Variants in IRAK4 observed in about 807,000 individuals in gnomAD.
The protein encoded by IRAK4 is interleukin-1 receptor-associated kinase 4.
A neutral mutation model predicts 51.8 loss-of-function variants in IRAK4; 44 were observed. That is an observed-to-expected ratio of 0.85 (90% CI 0.67 to 1.09). The LOEUF (loss-of-function observed/expected upper bound fraction) is 1.09. Ranked by LOEUF, IRAK4 falls within the 50% of genes least tolerant of loss-of-function variation. IRAK4 has a pLI of 0.00. For synonymous variants in IRAK4, 149 were observed against 174.1 expected (o/e 0.86, Z 1.13); for missense variants, 487 against 538.0 (o/e 0.91, Z 0.94).
chr12:43,765,796 T>C (rs1328748842), intron 1 of IRAK4, among the ~76,000 whole-genome samples: 1 of 150,124 alleles, frequency 6.7e-6, no homozygotes, highest in Non-Finnish European at 1.5e-5. Context: ...GTATGAAGGC[T>C]CCTAGATAGT....
At chr12:43,780,752 G>A (rs1941709250) in intron 8 of IRAK4, among the ~76,000 whole-genome samples, 1 of 152,030 alleles carries the variant, frequency 6.6e-6, no homozygotes, top group South Asian at 2.1e-4. Flanking sequence ...TGTATTTTTA[G>A]TAGAGATGGG....
Position 43,786,563 on chromosome 12 carries a change from C to T in IRAK4, c.1347+6C>T. On this transcript the variant is annotated splice_donor_region_variant and intron_variant, in intron 11 of 11. Transcript: ENST00000613694. ...AGAGACCAGACATTAAGAAGGTATG[C>T]ATTTTTTATACTTATTTAAAAAGTG... 1 of 1,612,722 alleles carries T rather than the reference C, an allele frequency of 6.2e-7. No homozygotes were observed. The highest frequency in any genetic ancestry group is 8.5e-7 in the Non-Finnish European group (1 of 1,179,072).
chr12:43,765,267 A>G (rs1940001960), intron 1 of IRAK4, among the ~76,000 whole-genome samples: 1 of 152,228 alleles, frequency 6.6e-6, no homozygotes, highest in Non-Finnish European at 1.5e-5. Context: ...GCTGTTAATT[A>G]TAGGTACTCT....
rs1439976738 is a variant in IRAK4 at position 43,778,212 on chromosome 12, C to T, written c.851C>T (p.Ser284Phe). Residue 284 changes from serine to phenylalanine, a missense_variant, in exon 8 of 12, where the codon TCT becomes TTT. Ser to Phe is a radical substitution (Grantham distance 155). Coordinates refer to ENST00000613694, the MANE Select transcript of IRAK4 (RefSeq NM_016123.4). ...TATAAGGATGGTACTCCACCACTTT[C>T]TTGGCACATGAGATGCAAGATTGCT... The part of the protein sequence containing the change: ...LSCLDGTPPL[S>F]WHMRCKIAQG... 3 of 1,606,696 alleles carry T rather than the reference C, an allele frequency of 1.9e-6. No homozygotes were observed. Among genetic ancestry groups the T allele is most frequent in the Non-Finnish European group, 2.6e-6 (3 of 1,173,358 alleles).
At chr12:43,759,101 T>C (rs1939126804) in intron 1 of IRAK4, 85 bp downstream of exon 1, 1 of 152,198 alleles carries the variant, frequency 6.6e-6, no homozygotes, top group Non-Finnish European at 1.5e-5. Context: ...CCAGGGTTGC[T>C]GGGGTCGGCT....
chr12:43,766,180 G>A (rs1200117643), intron 1 of IRAK4, among the ~76,000 whole-genome samples: 2 of 152,144 alleles, frequency 1.3e-5, no homozygotes, highest in African/African-American at 4.8e-5. Context: ...GGTACATGAT[G>A]ATCTGGCCCT....
intron 2 of IRAK4, among the ~76,000 whole-genome samples, chr12:43,769,985 C>A (rs1355439848): frequency 6.6e-6 from 1 of 152,140 alleles, no homozygotes; most frequent in Non-Finnish European, 1.5e-5. Context: ...AGAGAGAATG[C>A]ACAAGAGCCC....
intron 8 of IRAK4, among the ~76,000 whole-genome samples, chr12:43,778,682 A>G (rs1941512023): frequency 6.6e-6 from 1 of 152,052 alleles, no homozygotes; most frequent in Non-Finnish European, 1.5e-5. Context: ...TTAAATATTT[A>G]CCTACTATAA....
intron 1 of IRAK4, among the ~76,000 whole-genome samples, chr12:43,765,132 G>T (rs1050667561): frequency 6.6e-6 from 1 of 152,156 alleles, no homozygotes; most frequent in African/African-American, 2.4e-5. Context: ...AGCTCTGCTC[G>T]CATCTGCAGC....
At chr12:43,777,971 T>C (rs1941440546) in intron 7 of IRAK4, among the ~76,000 whole-genome samples, 1 of 152,238 alleles carries the variant, frequency 6.6e-6, no homozygotes, top group East Asian at 1.9e-4. Flanking sequence ...AAGACTATAC[T>C]AGGAAGATGC....
intron 1 of IRAK4, among the ~76,000 whole-genome samples, chr12:43,761,584 A>C (rs552817462): frequency 2.0e-5 from 3 of 152,334 alleles, no homozygotes; most frequent in South Asian, 2.1e-4. Flanking sequence ...AAAGAAAAGC[A>C]AGGTGCAGAG....
Position 43,777,630 on chromosome 12 carries a change from G to C in IRAK4, c.717G>C (p.Lys239Asn), listed in dbSNP as rs1475847048. ...QFDQEIKVMA[K>N]CQHENLVELL... ...TTGCATGAAAAATTATTTGTCACAG[G>C]TGTCAACATGAAAACTTAGTAGAAC... Residue 239 changes from lysine (K) to asparagine (N), a missense_variant and splice_region_variant, in exon 7 of 12, where the codon AAG becomes AAC. Lys to Asn is a moderately conservative substitution (Grantham distance 94, BLOSUM62 0). Transcript: ENST00000613694. 6.2e-7 allele frequency: 1 copy of C among 1,601,584 alleles called. No individual in the cohort carries two copies. Among genetic ancestry groups the C allele is most frequent in the African/African-American group, 1.3e-5 (1 of 74,708 alleles).
intron 5 of IRAK4, 185 bp from the exon 6 acceptor site, chr12:43,773,780 A>G (rs1452608156): frequency 8.9e-6 from 4 of 448,162 alleles, no homozygotes; most frequent in Non-Finnish European, 1.6e-5. Context: ...TTTTCATTCC[A>G]CTAACCAGCC....
intron 8 of IRAK4, among the ~76,000 whole-genome samples, chr12:43,779,419 C>T (rs1000254394): frequency 5.3e-5 from 8 of 151,970 alleles, no homozygotes; most frequent in Non-Finnish European, 1.2e-4. Context: ...AATGAGATGC[C>T]GTTGAAAATT....
intron 1 of IRAK4, among the ~76,000 whole-genome samples, chr12:43,767,203 T>C (rs2137890615): frequency 6.6e-6 from 1 of 152,276 alleles, no homozygotes; most frequent in East Asian, 1.9e-4. Context: ...CATTTCCTAT[T>C]GAGAATGAGG....
intron 6 of IRAK4, among the ~76,000 whole-genome samples, chr12:43,775,383 G>A (rs116338123): frequency 2.9e-3 from 434 of 152,176 alleles, no homozygotes; most frequent in African/African-American, 0.01. Flanking sequence ...AAACCACTAT[G>A]GTACACGTTT....
At chr12:43,762,567 C>T (rs930909971) in intron 1 of IRAK4, among the ~76,000 whole-genome samples, 1 of 152,204 alleles carries the variant, frequency 6.6e-6, no homozygotes, top group Non-Finnish European at 1.5e-5. Context: ...TTTCATTCAA[C>T]ACAAATGTTG....
At position 43,786,684 on chromosome 12, in the gene IRAK4, A is replaced by G. The variant is rs1175252759; in HGVS notation, c.1352A>G (p.Gln451Arg). The G allele has an allele frequency of 6.2e-7, 1 of 1,613,696 alleles. No homozygotes were observed. The highest frequency in any genetic ancestry group is 1.7e-5 in the Admixed American group (1 of 60,000). Residue 451 changes from glutamine (Q) to arginine (R), a missense_variant, in exon 12 of 12, where the codon CAA (glutamine) becomes CGA (arginine). Gln to Arg is a conservative substitution (Grantham distance 43, BLOSUM62 1). Transcript: ENST00000613694. The part of the protein sequence containing the change: ...KNKRPDIKKV[Q>R]QLLQEMTAS Reference sequence around the variant, plus strand: ...TTTTTTCTTTCTTTTTAAAAGGTTCAACAGCTGCTGCAAGAGATGACAGCT... The same window carrying G: ...TTTTTTCTTTCTTTTTAAAAGGTTCGACAGCTGCTGCAAGAGATGACAGCT...
At chr12:43,770,740 C>T (rs556190886) in intron 2 of IRAK4, among the ~76,000 whole-genome samples, 1 of 152,202 alleles carries the variant, frequency 6.6e-6, no homozygotes, top group East Asian at 1.9e-4. Flanking sequence ...TTCATATGAC[C>T]TCAGTTTATA....
Sources: allele counts gnomAD v4.1 joint callset (sites outside exome capture counted in the v4.1 genomes callset), GRCh38; gene constraint gnomAD v4.1.1; transcripts MANE v1.5; gene names NCBI Gene and HGNC (gene_info 2026-07-23, HGNC 2026-07-21).